EYA1: variants seen among roughly 807,000 people sequenced by gnomAD.
The protein encoded by EYA1 is protein phosphatase EYA1.
Under a neutral mutation model 82.0 loss-of-function variants are expected in EYA1, and 16 were observed. The ratio of observed to expected loss-of-function variants is 0.20; its 90% confidence interval spans 0.13 to 0.30. The LOEUF is 0.30. EYA1 is among the 10% of genes least tolerant of loss of function. The pLI, the probability that EYA1 is intolerant of heterozygous loss-of-function variation, is 1.00. For synonymous variants in EYA1, 261 were observed against 264.4 expected (o/e 0.99, Z 0.12); for missense variants, 633 against 730.7 (o/e 0.87, Z 1.54).
At chr8:71,440,533 GGC>G (rs1806348671) in intron 2 of EYA1, among the ~76,000 whole-genome samples, 1 of 152,126 alleles carries the variant, frequency 6.6e-6, no homozygotes. Flanking sequence ...ATGTCAGGAT[GGC>G]CCATTTTTTG....
At chr8:71,207,749 G>A (rs944504859) in intron 17 of EYA1, among the ~76,000 whole-genome samples, 7 of 151,662 alleles carry the variant, frequency 4.6e-5, no homozygotes, top group Admixed American at 1.3e-4. Context: ...ATTGGTTGTT[G>A]AGAAAACACA....
rs374134110 is a variant in EYA1, at chr8:71,416,954, C to G, written c.34-60443G>C. On this transcript the variant is annotated intron_variant, in intron 2 of 18. Transcript: ENST00000643681. ...ATTTGAGTCAATGGACTGGGAAAGG[C>G]AGACCCACCCTCAATCTGGGTGGAC... Among the ~76,000 whole-genome samples the G allele has an allele frequency of 3.0e-3, 453 of 152,296 alleles. 6 individuals carry two copies. Among genetic ancestry groups the G allele is most frequent in the African/African-American group, 0.01 (436 of 41,568 alleles).
At chr8:71,414,035 G>A (rs555885111) in intron 2 of EYA1, among the ~76,000 whole-genome samples, 163 of 152,292 alleles carry the variant, frequency 1.1e-3, no homozygotes, top group South Asian at 2.1e-4. Context: ...GTAGAATTGA[G>A]CAGACAAAGA....
chr8:71,310,211 G>A (rs962833139), intron 7 of EYA1, among the ~76,000 whole-genome samples: 3 of 151,102 alleles, frequency 2.0e-5, no homozygotes, highest in Non-Finnish European at 3.0e-5. Flanking sequence ...AGGAAAGATG[G>A]CATTAAACAT....
At chr8:71,199,546 A>AACATC (rs1296639383) in intron 17 of EYA1, 126 bp from the exon 18 acceptor site, 7 of 703,922 alleles carry the variant, frequency 9.9e-6, no homozygotes, top group Non-Finnish European at 1.8e-5. Flanking sequence ...CTAACATCTT[A>AACATC]ACATCACATC....
At chr8:71,535,633 A>T in intron 2 of EYA1, 2 of 739,362 alleles carry the variant, frequency 2.7e-6, no homozygotes, top group Non-Finnish European at 4.3e-6. Flanking sequence ...AAATTGGTAC[A>T]TTGGTACAGA....
chr8:71,532,930 A>G (rs946580465), intron 2 of EYA1, among the ~76,000 whole-genome samples: 3 of 152,236 alleles, frequency 2.0e-5, no homozygotes, highest in African/African-American at 7.2e-5. Flanking sequence ...GACACAATGG[A>G]TACAACTCAT....
At chr8:71,516,868 C>T (rs1400854500) in intron 2 of EYA1, among the ~76,000 whole-genome samples, 1 of 152,098 alleles carries the variant, frequency 6.6e-6, no homozygotes. Flanking sequence ...TCTGTATTTC[C>T]AGCACCTCAT....
At chr8:71,451,715 G>A (rs2129180357) in intron 2 of EYA1, among the ~76,000 whole-genome samples, 1 of 152,194 alleles carries the variant, frequency 6.6e-6, no homozygotes, top group Non-Finnish European at 1.5e-5. Context: ...TACCTTTTCT[G>A]ATTTATGAAA....
At chr8:71,452,645 A>C (rs907293156) in intron 2 of EYA1, among the ~76,000 whole-genome samples, 1 of 152,188 alleles carries the variant, frequency 6.6e-6, no homozygotes, top group Non-Finnish European at 1.5e-5. Context: ...CGCTGCTGAT[A>C]CCCAGGCAAA....
chr8:71,215,787 G>C lies in EYA1; in HGVS notation c.1361-59C>G, dbSNP rs980029055. On this transcript the variant is annotated intron_variant, in intron 14 of 17. Transcript: ENST00000340726. ...CTGACCAACATATTTCTTCGGCTTT[G>C]CAAGTAATTAACATTTAAAAAGTAC... The C allele has an allele frequency of 1.7e-4, 195 of 1,162,764 alleles. 5 individuals carry two copies. The Admixed American group carries it at 3.0e-3, about 18-fold the overall frequency. 72.0% of individuals were successfully genotyped at this position (1,162,764 alleles called of 1,614,324 possible).
intron 2 of EYA1, among the ~76,000 whole-genome samples, chr8:71,393,403 C>A (rs1052219640): frequency 4.6e-5 from 7 of 151,898 alleles, no homozygotes; most frequent in South Asian, 2.1e-4. Flanking sequence ...CCGTTAACTC[C>A]TCATTTACAT....
intron 9 of EYA1, among the ~76,000 whole-genome samples, chr8:71,282,539 CCA>C (rs1177877244): frequency 1.3e-5 from 2 of 152,210 alleles, no homozygotes; most frequent in African/African-American, 4.8e-5. Flanking sequence ...TTTGCCAGCG[CCA>C]CACACAGTTG....
chr8:71,395,270 G>A (rs1829526408), intron 2 of EYA1, among the ~76,000 whole-genome samples: 1 of 152,188 alleles, frequency 6.6e-6, no homozygotes, highest in Non-Finnish European at 1.5e-5. Flanking sequence ...TTTCCTAATT[G>A]AATAACCTTT....
intron 2 of EYA1, among the ~76,000 whole-genome samples, chr8:71,380,126 G>A (rs1195089188): frequency 6.6e-6 from 1 of 152,080 alleles, no homozygotes; most frequent in Non-Finnish European, 1.5e-5. Flanking sequence ...CTCTCTCCTT[G>A]GATTGGTTCA....
chr8:71,299,961 A>C (rs1586249924), intron 7 of EYA1, among the ~76,000 whole-genome samples: 1 of 152,346 alleles, frequency 6.6e-6, no homozygotes. Context: ...CTAATGACAA[A>C]ATAATACATT....
chr8:71,401,281 A>G (rs1829943921), intron 2 of EYA1, among the ~76,000 whole-genome samples: 1 of 152,212 alleles, frequency 6.6e-6, no homozygotes, highest in Non-Finnish European at 1.5e-5. Flanking sequence ...TGTATCCCAG[A>G]ACTTAAAATA....
chr8:71,323,697 G>A (rs1255743996), intron 4 of EYA1, among the ~76,000 whole-genome samples: 1 of 152,226 alleles, frequency 6.6e-6, no homozygotes, highest in Non-Finnish European at 1.5e-5. Context: ...GGCACATACT[G>A]AGCCACTACT....
intron 2 of EYA1, among the ~76,000 whole-genome samples, chr8:71,477,399 G>A (rs1338691860): frequency 6.6e-6 from 1 of 151,998 alleles, no homozygotes; most frequent in Non-Finnish European, 1.5e-5. Context: ...ATTTTAAAAT[G>A]GGCAATGGGT....
Sources: gnomAD v4.1 joint callset for allele counts (sites outside exome capture counted in the v4.1 genomes callset) on GRCh38, gnomAD v4.1.1 for gene constraint, MANE v1.5 for transcripts, NCBI Gene and HGNC (gene_info 2026-07-23, HGNC 2026-07-21) for gene names.